Variants in ODAD2 observed in about 807,000 individuals in gnomAD.
The protein encoded by ODAD2 is outer dynein arm-docking complex subunit 2.
A neutral mutation model predicts 106.8 loss-of-function variants in ODAD2; 89 were observed. The observed-to-expected ratio is 0.83, with a 90% confidence interval of 0.70 to 0.99. The LOEUF (loss-of-function observed/expected upper bound fraction) is 0.99. Ranked by LOEUF, ODAD2 falls within the 50% of genes least tolerant of loss-of-function variation. ODAD2 has a pLI of 0.00. For synonymous variants in ODAD2, 404 were observed against 436.2 expected (o/e 0.93, Z 0.92); for missense variants, 1,168 against 1,238.5 (o/e 0.94, Z 0.85).
chr10:27,995,030 A>C lies in ODAD2; in HGVS notation c.113T>G (p.Val38Gly). 6.2e-7 allele frequency: 1 copy of C among 1,614,248 alleles called. No homozygotes were observed. Among genetic ancestry groups the C allele is most frequent in the Middle Eastern group, 1.6e-4 (1 of 6,062 alleles). The change falls in exon 2 of 20, where the codon GTG becomes GGG. Residue 38 changes from valine to glycine, a missense_variant. Val to Gly is a moderately radical substitution (Grantham distance 109). This residue lies in a region of ODAD2 where 430 missense variants were observed against 452.2 expected (regional missense o/e 0.95). Coordinates refer to ENST00000305242, the MANE Select transcript of ODAD2 (RefSeq NM_018076.5). Reference protein sequence around the residue: ...EAILKEIIVFVESFIYKHPQE... With the variant: ...EAILKEIIVFGESFIYKHPQE... The stretch of plus-strand genomic sequence containing the variant: ...AGGATGTTTATAGATAAAACTCTCC[A>C]CAAACACAATAATTTCTTTCAATAT...
chr10:27,875,238 T>C (rs1841240877), intron 17 of ODAD2, among the ~76,000 whole-genome samples: 1 of 152,232 alleles, frequency 6.6e-6, no homozygotes. Flanking sequence ...ACACTGGTTA[T>C]TCTAGTTAGC....
chr10:27,960,271 T>G (rs1270501873), intron 10 of ODAD2, among the ~76,000 whole-genome samples: 1 of 150,562 alleles, frequency 6.6e-6, no homozygotes, highest in African/African-American at 2.4e-5. Flanking sequence ...TATAAGCTCA[T>G]GTCCTTTTTG....
At chr10:27,908,817 A>G (rs1379295700) in intron 16 of ODAD2, among the ~76,000 whole-genome samples, 2 of 152,194 alleles carry the variant, frequency 1.3e-5, no homozygotes, top group Non-Finnish European at 2.9e-5. Context: ...GCATAACTTT[A>G]TAAAATTGGT....
In ODAD2 at chr10:27,994,976, G is replaced by A. The variant is rs775110392; in HGVS notation, c.167C>T (p.Pro56Leu). The A allele has an allele frequency of 6.2e-7, 1 of 1,614,142 alleles. No homozygotes were observed. Among genetic ancestry groups the A allele is most frequent in the Admixed American group, 1.7e-5 (1 of 60,018 alleles). The change falls in exon 2 of 20, where the codon CCA (proline) becomes CTA (leucine). Residue 56 changes from proline to leucine, a missense_variant. This residue lies in a region of ODAD2 where 430 missense variants were observed against 452.2 expected (regional missense o/e 0.95). Coordinates refer to ENST00000305242, the MANE Select transcript of ODAD2 (RefSeq NM_018076.5). ...CGCCAAACTTGTGTTCCATTCAAGT[G>A]GTTCCACAAAAACAAATTTTGCCTC... ...PQEAKFVFVE[P>L]LEWNTSLAPS...
chr10:27,879,173 C>T (rs1472036679), intron 17 of ODAD2, among the ~76,000 whole-genome samples: 1 of 151,990 alleles, frequency 6.6e-6, no homozygotes, highest in Non-Finnish European at 1.5e-5. Context: ...TGTGATTTTT[C>T]CATTTTACCA....
intron 19 of ODAD2, among the ~76,000 whole-genome samples, chr10:27,819,574 TAAAA>T (rs56031733): frequency 0.012 from 852 of 73,994 alleles, 31 homozygotes; most frequent in Admixed American, 0.087. Flanking sequence ...CCCTGTCTCT[TAAAA>T]AAAAAAAAAA....
intron 9 of ODAD2, among the ~76,000 whole-genome samples, chr10:27,965,165 T>C (rs562561984): frequency 3.9e-4 from 60 of 152,276 alleles, no homozygotes; most frequent in African/African-American, 1.2e-3. Context: ...TTGTCAGTGA[T>C]AATGGATCCA....
chr10:27,987,790 C>A (rs370344011), intron 2 of ODAD2, among the ~76,000 whole-genome samples: 1 of 149,372 alleles, frequency 6.7e-6, no homozygotes, highest in South Asian at 2.1e-4. Context: ...TTTTTTTTAG[C>A]AATTTCTTGA....
chr10:27,936,625 A>G lies in ODAD2; in HGVS notation c.2252+101T>C, dbSNP rs546867018. ...ACTTCATCCAGAATGTACATCTACAACTAACATTAGAATTGACTCCTTACT... is the reference window on the plus strand; with the variant it reads ...ACTTCATCCAGAATGTACATCTACAGCTAACATTAGAATTGACTCCTTACT... On this transcript the variant is annotated intron_variant, in intron 15 of 19. Coordinates refer to ENST00000305242, the MANE Select transcript of ODAD2 (RefSeq NM_018076.5). 3.3e-5 allele frequency: 42 copies of G among 1,287,564 alleles called. No individual in the cohort carries two copies. The African/African-American group carries it at 5.0e-4, about 15-fold the overall frequency. The allele number at this position is 1,287,564 out of a possible 1,614,324, so 79.8% of individuals were successfully genotyped here. A position where few individuals can be genotyped will look rare whatever the true frequency, so the allele number is the denominator to read the frequency against.
At chr10:27,889,667 C>T (rs1004200248) in intron 17 of ODAD2, among the ~76,000 whole-genome samples, 2 of 152,186 alleles carry the variant, frequency 1.3e-5, no homozygotes, top group Admixed American at 1.3e-4. Flanking sequence ...CAGTTTCACA[C>T]ATGGACACTC....
At chr10:27,959,610 C>T (rs571571287) in intron 10 of ODAD2, among the ~76,000 whole-genome samples, 74 of 152,220 alleles carry the variant, frequency 4.9e-4, no homozygotes, top group Admixed American at 2.2e-3. Flanking sequence ...GAATCTAGCC[C>T]GTGCTCCATG....
At chr10:27,819,574 TAAAAAAA>T (rs56031733) in intron 19 of ODAD2, among the ~76,000 whole-genome samples, 2 of 74,014 alleles carry the variant, frequency 2.7e-5, no homozygotes, top group East Asian at 4.0e-4. Flanking sequence ...CCCTGTCTCT[TAAAAAAA>T]AAAAAAAAAA....
chr10:27,937,133 T>G (rs528275976), intron 14 of ODAD2, among the ~76,000 whole-genome samples: 1 of 152,228 alleles, frequency 6.6e-6, no homozygotes, highest in Non-Finnish European at 1.5e-5. Context: ...AGTTTTGAGA[T>G]AGCCTAGGCA....
Position 27,969,426 on chromosome 10 carries a change from G to A in ODAD2, c.1143-408C>T, listed in dbSNP as rs546896740. On this transcript the variant is annotated intron_variant, in intron 8 of 19. Coordinates refer to ENST00000305242, the MANE Select transcript of ODAD2 (RefSeq NM_018076.5). ...CTTTGCATAGTCCTTGGCATTCTGTGTTCTCCCTTGAATACCTGCTAAGGA... is the reference window on the plus strand; with the variant it reads ...CTTTGCATAGTCCTTGGCATTCTGTATTCTCCCTTGAATACCTGCTAAGGA... 1.3e-4 allele frequency among the ~76,000 whole-genome samples: 20 copies of A among 152,416 alleles called. No homozygotes were observed. The East Asian group carries it at 3.9e-3, about 29-fold the overall frequency.
chr10:27,812,471 T>G lies in ODAD2; in HGVS notation c.*41A>C. 1 of 1,579,356 alleles carries G rather than the reference T, an allele frequency of 6.3e-7. No homozygotes were observed. The highest frequency in any genetic ancestry group is 8.7e-7 in the Non-Finnish European group (1 of 1,151,252). Reference sequence around the variant, plus strand: ...CTGGCCATGGGAGTGACATGTCCTGTGTCATGTAGAATTTGATAGCTTGTA... The same window carrying G: ...CTGGCCATGGGAGTGACATGTCCTGGGTCATGTAGAATTTGATAGCTTGTA... On this transcript the variant is annotated 3_prime_UTR_variant, in exon 20 of 20. Transcript: ENST00000305242.
In ODAD2 at chr10:27,862,323, T is replaced by G. The variant is rs972913826; in HGVS notation, c.2799+111A>C. 15 of 712,426 alleles carry G rather than the reference T, an allele frequency of 2.1e-5. No homozygotes were observed. In the Admixed American group the frequency reaches 4.5e-4, roughly 21 times the overall value. 44.1% of individuals were successfully genotyped at this position (712,426 alleles called of 1,614,324 possible). A position where few individuals can be genotyped will look rare whatever the true frequency, so the allele number is the denominator to read the frequency against. On this transcript the variant is annotated intron_variant, in intron 18 of 19. Coordinates refer to ENST00000305242, the MANE Select transcript of ODAD2 (RefSeq NM_018076.5). ...ACCAAATCTCATACCTCATAAGCAA[T>G]GGGTATTAAACTTGAATCCAGGTTT...
chr10:27,935,412 C>T (rs113146637), intron 15 of ODAD2, among the ~76,000 whole-genome samples, 160 bp from the exon 16 acceptor site: 361 of 152,232 alleles, frequency 2.4e-3, no homozygotes, highest in African/African-American at 8.2e-3. Context: ...GTAGAGCTGA[C>T]GTCTAACCCA....
At position 27,878,410 on chromosome 10, in the gene ODAD2, T is replaced by A. The variant is rs1274281513; in HGVS notation, c.2611-15788A>T. ...GGTGTTTTGGCGTAAAGCAATTAAA[T>A]TAATGGGTATGAAATTCCTTCTCTT... On this transcript the variant is annotated intron_variant, in intron 17 of 19. Coordinates refer to ENST00000305242, the MANE Select transcript of ODAD2 (RefSeq NM_018076.5). Among the ~76,000 whole-genome samples, 6 of 152,290 alleles carry A rather than the reference T, an allele frequency of 3.9e-5. No homozygotes were observed. The South Asian group carries it at 1.2e-3, about 32-fold the overall frequency.
intron 16 of ODAD2, among the ~76,000 whole-genome samples, chr10:27,919,246 CAATT>C (rs1844607782): frequency 1.3e-5 from 2 of 152,026 alleles, no homozygotes; most frequent in Non-Finnish European, 2.9e-5. Context: ...CTGTATGAAA[CAATT>C]AATTTTGACC....
Sources: allele counts gnomAD v4.1 joint callset (sites outside exome capture counted in the v4.1 genomes callset), GRCh38; gene constraint gnomAD v4.1.1; regional missense constraint gnomAD v4.1.1; transcripts MANE v1.5; gene names NCBI Gene and HGNC (gene_info 2026-07-23, HGNC 2026-07-21).